The following PTPRN2 variants were observed in gnomAD, a reference collection of about 807,000 sequenced individuals.
The protein encoded by PTPRN2 is protein tyrosine phosphatase receptor type N2, also known as receptor-type tyrosine-protein phosphatase N2.
In PTPRN2, 74 loss-of-function variants were observed where a neutral mutation model predicts 118.8. The observed-to-expected ratio is 0.62, with a 90% CI of 0.52 to 0.76. PTPRN2 has a LOEUF of 0.76. Among genes scored for constraint, PTPRN2 ranks in the 30% least tolerant of loss-of-function variants. The probability of loss-of-function intolerance (pLI) is 0.00; values close to 1 mark genes in which losing one functional copy is unlikely to be tolerated. For missense variants in PTPRN2, 1,481 were observed against 1,394.4 expected (o/e 1.06, Z -0.99); for synonymous variants, 641 against 608.0 (o/e 1.05, Z -0.80).
In PTPRN2 at chr7:157,990,917, T is replaced by C. The variant is rs1208351677; in HGVS notation, c.1723+90381A>G. On this transcript the variant is annotated intron_variant, in intron 11 of 22. Transcript: ENST00000389418. This position sits in a 1 kb window ranked among gnomAD's most constrained non-coding sequence, Gnocchi z 4.3. ...AGTCAGGCAGAGAGAGCTGCTGGTG[T>C]CAACCCTGCCAGCAAGATGTGCCCC... 1.3e-5 allele frequency among the ~76,000 whole-genome samples: 2 copies of C among 152,140 alleles called. No individual in the cohort carries two copies. The highest frequency in any genetic ancestry group is 4.8e-5 in the African/African-American group (2 of 41,426).
In PTPRN2 at chr7:157,807,893, T is replaced by G. The variant is rs1860475; in HGVS notation, c.1788+90780A>C. On this transcript the variant is annotated intron_variant, in intron 12 of 22. Coordinates refer to ENST00000389418, the MANE Select transcript of PTPRN2 (RefSeq NM_002847.5). ...CTCTGGGATGGATGTTTACGTGGGT[T>G]ACCCTACCAAATCCCTGAGAACTGC... 6.1e-3 allele frequency among the ~76,000 whole-genome samples: 922 copies of G among 152,330 alleles called. 6 individuals carry two copies. The highest frequency in any genetic ancestry group is 0.021 in the African/African-American group (863 of 41,570).
intron 2 of PTPRN2, among the ~76,000 whole-genome samples, chr7:158,384,988 G>A (rs753102136): frequency 7.9e-5 from 12 of 151,944 alleles, no homozygotes; most frequent in African/African-American, 1.5e-4. Flanking sequence ...GGATTTGCTG[G>A]TGTGACTTCC....
intron 2 of PTPRN2, among the ~76,000 whole-genome samples, chr7:158,372,420 A>T (rs1347598995): frequency 7.4e-6 from 1 of 134,856 alleles, no homozygotes; most frequent in East Asian, 2.3e-4. Flanking sequence ...GGTCCCCCCA[A>T]CACTGGTCCC....
intron 21 of PTPRN2, among the ~76,000 whole-genome samples, chr7:157,549,266 C>T (rs1798473554): frequency 2.0e-5 from 3 of 151,890 alleles, no homozygotes; most frequent in Admixed American, 6.5e-5. Context: ...TGCTTACCAA[C>T]AGCAGGCCGT....
chr7:158,061,493 G>A (rs553363761), intron 11 of PTPRN2, among the ~76,000 whole-genome samples: 7 of 144,958 alleles, frequency 4.8e-5, no homozygotes, highest in South Asian at 2.1e-4. Context: ...TGCACTCGGC[G>A]CTGAACCATC....
chr7:158,247,268 AG>A (rs1796319240), intron 3 of PTPRN2, among the ~76,000 whole-genome samples: 1 of 152,218 alleles, frequency 6.6e-6, no homozygotes, highest in Non-Finnish European at 1.5e-5. Context: ...GGGTGGAGGA[AG>A]GGGGCAGGCG....
In PTPRN2 at chr7:157,984,255, ACGC is replaced by A. The variant is rs1563298946; in HGVS notation, c.1724-85521_1724-85519del. The stretch of plus-strand genomic sequence containing the variant: ...GCCCCACGCCAGGCTCCACCTCCCC[ACGC>A]CAGGCTCCACCCCCCACGCCAGGCT... On this transcript the variant is annotated intron_variant, in intron 11 of 22. Coordinates refer to ENST00000389418, the MANE Select transcript of PTPRN2 (RefSeq NM_002847.5). Among the ~76,000 whole-genome samples the A allele has an allele frequency of 1.1e-3, 33 of 31,428 alleles. 1 individual carries two copies. Among genetic ancestry groups the A allele is most frequent in the African/African-American group, 3.4e-3 (29 of 8,424 alleles). The allele number at this position is 31,428 out of a possible 152,430, so 20.6% of individuals were successfully genotyped here.
intron 2 of PTPRN2, among the ~76,000 whole-genome samples, chr7:158,330,068 C>T (rs1290074583): frequency 7.0e-6 from 1 of 143,098 alleles, no homozygotes; most frequent in Non-Finnish European, 1.6e-5. Context: ...CACACTCTCA[C>T]CATAAGAGCT....
At chr7:158,376,525 G>C (rs1247322019) in intron 2 of PTPRN2, among the ~76,000 whole-genome samples, 6 of 118,640 alleles carry the variant, frequency 5.1e-5, no homozygotes, top group South Asian at 3.2e-4. Flanking sequence ...GTCCTGAGAG[G>C]GGGGTCAGGG....
At chr7:157,586,122 A>G (rs1366881061) in intron 17 of PTPRN2, among the ~76,000 whole-genome samples, 4 of 152,242 alleles carry the variant, frequency 2.6e-5, no homozygotes, top group African/African-American at 9.6e-5. Flanking sequence ...AGTCTCAGGC[A>G]TGTGGTTAAA....
At chr7:158,279,817 C>T (rs1481990379) in intron 3 of PTPRN2, among the ~76,000 whole-genome samples, 10 of 152,310 alleles carry the variant, frequency 6.6e-5, no homozygotes, top group East Asian at 5.8e-4. Context: ...TCTTCGAGCC[C>T]GGCCAGAGCA....
chr7:158,242,474 G>A (rs922214971), intron 3 of PTPRN2, among the ~76,000 whole-genome samples: 2 of 152,158 alleles, frequency 1.3e-5, no homozygotes, highest in South Asian at 2.1e-4. Context: ...TGTGTTCGTC[G>A]GGAATACTGG....
chr7:157,984,250 T>A (rs1161013722), intron 11 of PTPRN2, among the ~76,000 whole-genome samples: 5 of 53,280 alleles, frequency 9.4e-5, no homozygotes, highest in East Asian at 1.1e-3. Context: ...AGGCTCCACC[T>A]CCCCACGCCA....
At chr7:157,695,194 A>G (rs1797705338) in intron 12 of PTPRN2, among the ~76,000 whole-genome samples, 2 of 152,192 alleles carry the variant, frequency 1.3e-5, no homozygotes, top group Non-Finnish European at 2.9e-5. Flanking sequence ...CATGCACTAA[A>G]TTATCAAAGA....
intron 11 of PTPRN2, among the ~76,000 whole-genome samples, chr7:158,077,331 A>T (rs1433303748): frequency 6.6e-6 from 1 of 152,266 alleles, no homozygotes; most frequent in African/African-American, 2.4e-5. Flanking sequence ...AGGCAGAAGC[A>T]GGAGGACGTC....
intron 4 of PTPRN2, among the ~76,000 whole-genome samples, chr7:158,198,161 T>A (rs1194173180): frequency 6.6e-6 from 1 of 152,204 alleles, no homozygotes; most frequent in Non-Finnish European, 1.5e-5. Flanking sequence ...AACCACCTCA[T>A]AAATGTATCT....
intron 8 of PTPRN2, among the ~76,000 whole-genome samples, chr7:158,134,431 G>A (rs756187135): frequency 6.6e-5 from 10 of 152,012 alleles, no homozygotes; most frequent in African/African-American, 1.9e-4. Context: ...CCCTCTAGAA[G>A]CAATGAACAC....
intron 2 of PTPRN2, among the ~76,000 whole-genome samples, chr7:158,342,738 C>G (rs894389420): frequency 6.6e-6 from 1 of 152,154 alleles, no homozygotes. Flanking sequence ...GGGTGCCTTG[C>G]TGGAGCCCAT....
At chr7:158,233,432 GAA>G (rs1829298791) in intron 3 of PTPRN2, among the ~76,000 whole-genome samples, 1 of 152,102 alleles carries the variant, frequency 6.6e-6, no homozygotes, top group South Asian at 2.1e-4. Flanking sequence ...CAAAAAACTG[GAA>G]AGATATTCCA....
Sources: gnomAD v4.1 joint callset for allele counts (sites outside exome capture counted in the v4.1 genomes callset) on GRCh38, gnomAD v4.1.1 for gene constraint, Gnocchi (gnomAD v3.1) non-coding constraint, MANE v1.5 for transcripts, NCBI Gene and HGNC (gene_info 2026-07-23, HGNC 2026-07-21) for gene names.